The following CEP112 variants were observed in gnomAD, a reference collection of about 807,000 sequenced individuals.
The protein encoded by CEP112 is centrosomal protein of 112 kDa.
A neutral mutation model predicts 153.0 loss-of-function variants in CEP112; 127 were observed. That is an observed-to-expected ratio of 0.83 (90% confidence interval 0.72 to 0.96). CEP112 has a LOEUF of 0.96. CEP112 is among the 40% of genes least tolerant of loss of function. CEP112 has a pLI of 0.00. For missense variants in CEP112, 1,089 were observed against 1,101.2 expected (o/e 0.99, Z 0.16); for synonymous variants, 358 against 374.4 (o/e 0.96, Z 0.51).
rs114371797 is a variant in CEP112 at position 65,674,271 on chromosome 17, C to T, written c.2697+14858G>A. Reference sequence around the variant, plus strand: ...TTCATGGAAATGCAAATACTTTCCACTCTTAGTAATGAATGATTAGATAAT... The same window carrying T: ...TTCATGGAAATGCAAATACTTTCCATTCTTAGTAATGAATGATTAGATAAT... On this transcript the variant is annotated intron_variant, in intron 24 of 26. Coordinates refer to ENST00000535342, the MANE Select transcript of CEP112 (RefSeq NM_001199165.4). Among the ~76,000 whole-genome samples the T allele has an allele frequency of 9.1e-3, 1,385 of 152,316 alleles. 21 individuals carry two copies. Among genetic ancestry groups the T allele is most frequent in the African/African-American group, 0.032 (1,324 of 41,554 alleles).
At chr17:66,035,006 A>ATTTT (rs1308701767) in intron 12 of CEP112, among the ~76,000 whole-genome samples, 62 of 83,578 alleles carry the variant, frequency 7.4e-4, no homozygotes, top group Middle Eastern at 6.6e-3. Flanking sequence ...ATATATATAT[A>ATTTT]TATTTTTTTT....
At chr17:65,798,714 T>C (rs980548758) in intron 21 of CEP112, among the ~76,000 whole-genome samples, 2 of 152,212 alleles carry the variant, frequency 1.3e-5, no homozygotes, top group African/African-American at 2.4e-5. Flanking sequence ...TCCGAGAATT[T>C]TTACTGTCTC....
At chr17:65,965,106 C>A (rs2062361664) in intron 17 of CEP112, among the ~76,000 whole-genome samples, 2 of 152,120 alleles carry the variant, frequency 1.3e-5, no homozygotes, top group African/African-American at 4.8e-5. Context: ...AAACACTTTT[C>A]ATTTAATAGG....
chr17:65,690,382 T>C (rs1343947072), intron 23 of CEP112, among the ~76,000 whole-genome samples: 1 of 132,748 alleles, frequency 7.5e-6, no homozygotes, highest in African/African-American at 2.9e-5. Flanking sequence ...GCTATGATTG[T>C]GTCACTGCAC....
intron 17 of CEP112, among the ~76,000 whole-genome samples, chr17:65,970,359 C>CTG (rs2062645727): frequency 4.6e-5 from 3 of 65,312 alleles, no homozygotes; most frequent in African/African-American, 2.2e-4. Context: ...CACTATGTGC[C>CTG]TATATTACAT....
intron 24 of CEP112, among the ~76,000 whole-genome samples, chr17:65,651,747 C>CA (rs1417181791): frequency 6.6e-6 from 1 of 151,836 alleles, no homozygotes; most frequent in African/African-American, 2.4e-5. Context: ...GTCACCCAGG[C>CA]AGAAGTGCAG....
intron 24 of CEP112, among the ~76,000 whole-genome samples, chr17:65,685,771 C>A (rs1232003087): frequency 2.0e-5 from 3 of 146,380 alleles, no homozygotes; most frequent in South Asian, 2.1e-4. Flanking sequence ...CTCCCAGGTT[C>A]AAGCGATTCT....
intron 12 of CEP112, among the ~76,000 whole-genome samples, chr17:66,040,095 T>C (rs2065906595): frequency 6.6e-6 from 1 of 152,218 alleles, no homozygotes; most frequent in Non-Finnish European, 1.5e-5. Context: ...TGTCATAAGA[T>C]GTGCCTATGT....
intron 18 of CEP112, among the ~76,000 whole-genome samples, chr17:65,954,375 A>C (rs1462363862): frequency 3.3e-5 from 5 of 152,178 alleles, no homozygotes; most frequent in African/African-American, 1.2e-4. Flanking sequence ...AGCAAACCCC[A>C]GATCTTCCCT....
chr17:66,071,105 CTT>C (rs961032242), intron 8 of CEP112, among the ~76,000 whole-genome samples: 2 of 152,110 alleles, frequency 1.3e-5, no homozygotes, highest in African/African-American at 4.8e-5. Context: ...TTGAAATACA[CTT>C]TATATTTTCA....
chr17:66,041,652 G>A (rs182765204), intron 12 of CEP112, among the ~76,000 whole-genome samples: 17 of 152,248 alleles, frequency 1.1e-4, no homozygotes, highest in Admixed American at 2.0e-4. Flanking sequence ...CCGTATTGAT[G>A]GGGCCATGTC....
intron 21 of CEP112, among the ~76,000 whole-genome samples, chr17:65,820,676 T>C (rs1302990432): frequency 2.0e-5 from 3 of 152,086 alleles, no homozygotes; most frequent in Non-Finnish European, 4.4e-5. Flanking sequence ...GTCTCTAAAA[T>C]GTAAAATGTA....
chr17:65,834,035 G>A (rs1217067589), intron 21 of CEP112, among the ~76,000 whole-genome samples: 1 of 151,992 alleles, frequency 6.6e-6, no homozygotes, highest in African/African-American at 2.4e-5. Context: ...AGAAAGCCCA[G>A]AAATAAGGCT....
intron 24 of CEP112, among the ~76,000 whole-genome samples, chr17:65,672,420 T>C (rs1380712434): frequency 6.6e-6 from 1 of 152,210 alleles, no homozygotes; most frequent in Non-Finnish European, 1.5e-5. Flanking sequence ...CCAAGATTCA[T>C]GTGAAGGAGA....
In CEP112 at chr17:65,925,598, C is replaced by T. The variant is rs116659920; in HGVS notation, c.1980+1984G>A. Among the ~76,000 whole-genome samples the T allele has an allele frequency of 1.3e-3, 202 of 152,256 alleles. 2 individuals are homozygous for T. Among genetic ancestry groups the T allele is most frequent in the African/African-American group, 4.5e-3 (188 of 41,566 alleles). On this transcript the variant is annotated intron_variant, in intron 19 of 26. Coordinates refer to ENST00000535342, the MANE Select transcript of CEP112 (RefSeq NM_001199165.4). Reference sequence around the variant, plus strand: ...TAAAATCCAGTTCCAGCATTTTCTACGTTTTTACATTTTCTAAGTTTGCAA... The same window carrying T: ...TAAAATCCAGTTCCAGCATTTTCTATGTTTTTACATTTTCTAAGTTTGCAA...
intron 20 of CEP112, among the ~76,000 whole-genome samples, chr17:65,885,099 T>C (rs764981252): frequency 2.6e-5 from 4 of 152,198 alleles, no homozygotes; most frequent in Non-Finnish European, 1.5e-5. Flanking sequence ...AATTAAATGG[T>C]ACCTAACCTC....
chr17:66,010,310 G>C (rs2064462887), intron 16 of CEP112, among the ~76,000 whole-genome samples: 1 of 152,112 alleles, frequency 6.6e-6, no homozygotes, highest in Non-Finnish European at 1.5e-5. Flanking sequence ...CATTGATTTT[G>C]TATCCTGAAA....
chr17:65,977,580 T>C (rs8075870), intron 17 of CEP112, among the ~76,000 whole-genome samples: 79,038 of 151,902 alleles, frequency 0.52, 21,577 homozygotes, highest in African/African-American at 0.6. Flanking sequence ...GATGGTCCTA[T>C]GGCAGAGAAC....
rs149757558 is a variant in CEP112 at position 66,054,662 on chromosome 17, G to A, written c.1075-783C>T. On this transcript the variant is annotated intron_variant, in intron 11 of 26. Transcript: ENST00000535342. ...CTTATCTTAATGGGGGTACAACTCC[G>A]AGTCTAACTTCCATTCCCTGCATCC... Among the ~76,000 whole-genome samples, 202 of 152,294 alleles carry A rather than the reference G, an allele frequency of 1.3e-3. 2 individuals carry two copies. The highest frequency in any genetic ancestry group is 4.7e-3 in the African/African-American group (194 of 41,564).
Sources: allele counts gnomAD v4.1 joint callset (sites outside exome capture counted in the v4.1 genomes callset), GRCh38; gene constraint gnomAD v4.1.1; transcripts MANE v1.5; gene names NCBI Gene and HGNC (gene_info 2026-07-23, HGNC 2026-07-21).